FBXO28: variants seen among roughly 807,000 people sequenced by gnomAD.
FBXO28 encodes the protein F-box protein 28.
Under a neutral mutation model 38.1 loss-of-function variants are expected in FBXO28, and 8 were observed. The ratio of observed to expected loss-of-function variants is 0.21; its 90% CI spans 0.12 to 0.38. The LOEUF (loss-of-function observed/expected upper bound fraction) is 0.38, where lower values mean the gene tolerates loss of function less well. FBXO28 is among the 10% of genes least tolerant of loss of function. FBXO28 has a pLI of 1.00. For missense variants in FBXO28, 345 were observed against 460.6 expected, an observed-to-expected ratio of 0.75 and a Z score of 2.30; for synonymous variants, 168 against 173.8, an observed-to-expected ratio of 0.97 and a Z score of 0.26.
intron 3 of FBXO28, among the ~76,000 whole-genome samples, chr1:224,144,662 G>T (rs1657454228): frequency 6.6e-6 from 1 of 151,366 alleles, no homozygotes; most frequent in Non-Finnish European, 1.5e-5. Context: ...GGAGGCTGAG[G>T]CAGGAGACTC....
chr1:224,125,368 T>G (rs1417263958), intron 1 of FBXO28, among the ~76,000 whole-genome samples: 1 of 152,146 alleles, frequency 6.6e-6, no homozygotes, highest in African/African-American at 2.4e-5. Context: ...TCTCTAATCT[T>G]TTTATCAGCT....
At chr1:224,126,946 G>A (rs1214274798) in intron 1 of FBXO28, among the ~76,000 whole-genome samples, 1 of 152,050 alleles carries the variant, frequency 6.6e-6, no homozygotes, top group Non-Finnish European at 1.5e-5. Context: ...GATATTATCT[G>A]TTAACTTCCT....
chr1:224,146,311 A>T (rs967991015), intron 3 of FBXO28, among the ~76,000 whole-genome samples: 34 of 151,930 alleles, frequency 2.2e-4, no homozygotes, highest in Non-Finnish European at 3.8e-4. Flanking sequence ...AAATTTTTTT[A>T]AAAAATAAAA....
chr1:224,125,830 C>T (rs758565780), intron 1 of FBXO28, among the ~76,000 whole-genome samples: 1 of 152,004 alleles, frequency 6.6e-6, no homozygotes, highest in Non-Finnish European at 1.5e-5. Flanking sequence ...GGGTTCACCA[C>T]GTTGGCCAGG....
At chr1:224,128,628 A>G (rs929312008) in intron 1 of FBXO28, among the ~76,000 whole-genome samples, 10 of 152,128 alleles carry the variant, frequency 6.6e-5, no homozygotes, top group Admixed American at 6.6e-4. Context: ...TTGGACAAGA[A>G]TGCATATAAG....
chr1:224,139,846 T>G (rs1307594282), intron 3 of FBXO28, among the ~76,000 whole-genome samples: 1 of 152,000 alleles, frequency 6.6e-6, no homozygotes, highest in Non-Finnish European at 1.5e-5. Context: ...CCTAATACTT[T>G]GGGAGGCTGA....
chr1:224,143,760 C>T (rs1261063856), intron 3 of FBXO28, among the ~76,000 whole-genome samples: 2 of 149,772 alleles, frequency 1.3e-5, no homozygotes, highest in African/African-American at 4.9e-5. Flanking sequence ...AGCATGAACC[C>T]GGGAGGCGGA....
intron 4 of FBXO28, among the ~76,000 whole-genome samples, chr1:224,154,281 A>G (rs946071804): frequency 2.6e-5 from 4 of 152,234 alleles, no homozygotes; most frequent in Non-Finnish European, 4.4e-5. Context: ...TTCATTTTCT[A>G]TTGTACTGAA....
At chr1:224,153,362 T>C (rs773186696) in intron 4 of FBXO28, 25 bp downstream of exon 4, 42 of 1,510,820 alleles carry the variant, frequency 2.8e-5, no homozygotes, top group Non-Finnish European at 3.6e-5. Context: ...TAATCATGCT[T>C]GTACATAATT....
chr1:224,130,741 C>G, intron 2 of FBXO28, 160 bp downstream of exon 2: 1 of 512,742 alleles, frequency 2.0e-6, no homozygotes. Flanking sequence ...CCATTCTCAC[C>G]GTTTGTGATC....
chr1:224,135,536 C>G (rs1290711338), intron 3 of FBXO28, among the ~76,000 whole-genome samples: 2 of 141,850 alleles, frequency 1.4e-5, no homozygotes, highest in Non-Finnish European at 3.0e-5. Flanking sequence ...CGCTTGAACC[C>G]GGGAGGCGGA....
At chr1:224,118,862 A>G (rs188935489) in intron 1 of FBXO28, among the ~76,000 whole-genome samples, 7 of 152,356 alleles carry the variant, frequency 4.6e-5, no homozygotes, top group East Asian at 3.9e-4. Flanking sequence ...AGAAAACACA[A>G]GAATACACAT....
chr1:224,134,829 CTG>C (rs1023447936), intron 3 of FBXO28, among the ~76,000 whole-genome samples: 28 of 152,242 alleles, frequency 1.8e-4, no homozygotes, highest in African/African-American at 4.6e-4. Flanking sequence ...TGACATATGT[CTG>C]TATCTTTTTA....
intron 3 of FBXO28, among the ~76,000 whole-genome samples, chr1:224,146,690 T>A (rs566543633): frequency 1.4e-5 from 2 of 144,588 alleles, no homozygotes; most frequent in Admixed American, 7.6e-5. Context: ...ACTGTACTTT[T>A]ATAAAACTAA....
chr1:224,148,485 C>A (rs987283442), intron 3 of FBXO28, among the ~76,000 whole-genome samples: 5 of 151,726 alleles, frequency 3.3e-5, no homozygotes, highest in Admixed American at 6.6e-5. Flanking sequence ...CCTGTCTCTA[C>A]TAAAAATACA....
rs76062492 is a variant in FBXO28 at position 224,124,275 on chromosome 1, C to T, written c.268-6197C>T. Among the ~76,000 whole-genome samples, 63 of 152,288 alleles carry T rather than the reference C, an allele frequency of 4.1e-4. No homozygotes were observed. In the East Asian group the frequency reaches 0.011, roughly 27 times the overall value. ...CACAACTAAGAAAACTACATTTATTCTCTTACAGTAGAACAGTGAGTAACA... is the reference window on the plus strand; with the variant it reads ...CACAACTAAGAAAACTACATTTATTTTCTTACAGTAGAACAGTGAGTAACA... On this transcript the variant is annotated intron_variant, in intron 1 of 4. Transcript: ENST00000366862.
At chr1:224,136,201 C>G (rs1657182053) in intron 3 of FBXO28, among the ~76,000 whole-genome samples, 1 of 148,650 alleles carries the variant, frequency 6.7e-6, no homozygotes, top group Non-Finnish European at 1.5e-5. Flanking sequence ...CCTCCCGGTA[C>G]AGGTGCATTA....
intron 4 of FBXO28, 22 bp downstream of exon 4, chr1:224,153,359 G>T: frequency 6.6e-7 from 1 of 1,518,932 alleles, no homozygotes; most frequent in South Asian, 1.3e-5. Context: ...TTATAATCAT[G>T]CTTGTACATA....
In FBXO28 at chr1:224,158,185, T is replaced by C. The variant is rs1013476047; in HGVS notation, c.*439T>C. The C allele has an allele frequency of 8.1e-6, 8 of 987,152 alleles. No individual in the cohort carries two copies. Among genetic ancestry groups the C allele is most frequent in the Non-Finnish European group, 9.6e-6 (8 of 831,018 alleles). 61.1% of individuals were successfully genotyped at this position (987,152 alleles called of 1,614,324 possible). On this transcript the variant is annotated 3_prime_UTR_variant, in exon 5 of 5. Transcript: ENST00000366862. ...CTATCTTGGTTCTTTTTTTTTTAAGTCATCTTTTTGTTATAAGTGACCTTT... is the reference window on the plus strand; with the variant it reads ...CTATCTTGGTTCTTTTTTTTTTAAGCCATCTTTTTGTTATAAGTGACCTTT...
Sources: allele counts gnomAD v4.1 joint callset (sites outside exome capture counted in the v4.1 genomes callset), GRCh38; gene constraint gnomAD v4.1.1; transcripts MANE v1.5; gene names NCBI Gene and HGNC (gene_info 2026-07-23, HGNC 2026-07-21).